CCSER1: variants seen among roughly 807,000 people sequenced by gnomAD.
CCSER1 encodes coiled-coil serine rich protein 1, also known as serine-rich coiled-coil domain-containing protein 1.
In CCSER1, 41 loss-of-function variants were observed where a neutral mutation model predicts 82.0. The ratio of observed to expected loss-of-function variants is 0.50; its 90% confidence interval spans 0.39 to 0.65. The LOEUF (loss-of-function observed/expected upper bound fraction) is 0.65, where lower values mean the gene tolerates loss of function less well. CCSER1 is among the 30% of genes least tolerant of loss of function. The probability of loss-of-function intolerance (pLI) is 0.00; values close to 1 mark genes in which losing one functional copy is unlikely to be tolerated. For synonymous variants in CCSER1, 414 were observed against 383.9 expected, an observed-to-expected ratio of 1.08 and a Z score of -0.92; for missense variants, 1,119 against 1,064.2, an observed-to-expected ratio of 1.05 and a Z score of -0.72.
intron 1 of CCSER1, among the ~76,000 whole-genome samples, chr4:90,145,544 C>T (rs887553236): frequency 6.6e-6 from 1 of 152,046 alleles, no homozygotes; most frequent in Non-Finnish European, 1.5e-5. Context: ...TCTATTGTGT[C>T]AAGCGTGATT....
At chr4:90,917,064 G>A (rs920330634) in intron 8 of CCSER1, among the ~76,000 whole-genome samples, 3 of 152,192 alleles carry the variant, frequency 2.0e-5, no homozygotes, top group African/African-American at 7.2e-5. Context: ...TACACTGTTG[G>A]TGGGACTGTA....
At chr4:91,556,339 CT>C (rs143649369) in intron 10 of CCSER1, among the ~76,000 whole-genome samples, 1 of 150,576 alleles carries the variant, frequency 6.6e-6, no homozygotes, top group Non-Finnish European at 1.5e-5. Flanking sequence ...CTCTAACCTT[CT>C]TTTTTTTAAA....
chr4:90,884,326 A>G (rs1326698980), intron 8 of CCSER1, among the ~76,000 whole-genome samples: 3 of 152,210 alleles, frequency 2.0e-5, no homozygotes, highest in Non-Finnish European at 4.4e-5. Context: ...AATGTGTAAA[A>G]GTAGCCCCAT....
At chr4:90,479,678 C>T (rs1400164613) in intron 5 of CCSER1, among the ~76,000 whole-genome samples, 1 of 152,168 alleles carries the variant, frequency 6.6e-6, no homozygotes, top group Non-Finnish European at 1.5e-5. Flanking sequence ...CTGCCAGCTT[C>T]ATCCATGTCC....
chr4:91,316,436 T>G (rs1392326169), intron 10 of CCSER1, among the ~76,000 whole-genome samples: 1 of 152,032 alleles, frequency 6.6e-6, no homozygotes, highest in Non-Finnish European at 1.5e-5. Flanking sequence ...AAGCAAGAAC[T>G]GTGTTTGAAA....
chr4:90,178,814 C>A (rs1315781262), intron 1 of CCSER1, among the ~76,000 whole-genome samples: 1 of 152,108 alleles, frequency 6.6e-6, no homozygotes. Flanking sequence ...AAATTATGGA[C>A]ATATAAAGCA....
intron 10 of CCSER1, among the ~76,000 whole-genome samples, chr4:91,101,199 A>T (rs1195683397): frequency 1.3e-5 from 2 of 152,230 alleles, no homozygotes; most frequent in Admixed American, 1.3e-4. Context: ...CAACAAGATT[A>T]AGCAGTAATT....
chr4:90,872,653 C>A (rs1446340429), intron 8 of CCSER1, among the ~76,000 whole-genome samples: 1 of 151,874 alleles, frequency 6.6e-6, no homozygotes, highest in Non-Finnish European at 1.5e-5. Flanking sequence ...GTATACATCC[C>A]AGAATTACAG....
intron 10 of CCSER1, among the ~76,000 whole-genome samples, chr4:91,189,881 T>A (rs1172576989): frequency 4.6e-5 from 7 of 152,190 alleles, no homozygotes; most frequent in Non-Finnish European, 1.0e-4. Flanking sequence ...TTTATAAATT[T>A]AAATTATTTT....
intron 1 of CCSER1, among the ~76,000 whole-genome samples, chr4:90,299,378 T>C (rs939767300): frequency 8.5e-5 from 13 of 152,174 alleles, no homozygotes; most frequent in African/African-American, 3.1e-4. Context: ...GTTTTGGTTA[T>C]TATGTTTATT....
At chr4:91,307,410 GT>G (rs1299790237) in intron 10 of CCSER1, among the ~76,000 whole-genome samples, 3 of 151,488 alleles carry the variant, frequency 2.0e-5, no homozygotes, top group East Asian at 3.9e-4. Flanking sequence ...CATTATTTGA[GT>G]TTTTTAGCCC....
At chr4:90,722,409 C>T (rs540755440) in intron 6 of CCSER1, among the ~76,000 whole-genome samples, 8 of 151,848 alleles carry the variant, frequency 5.3e-5, no homozygotes, top group South Asian at 4.1e-4. Context: ...TCATGTCTTA[C>T]GTTAACATCC....
chr4:90,630,956 C>T (rs181832797), intron 6 of CCSER1, among the ~76,000 whole-genome samples: 24 of 151,056 alleles, frequency 1.6e-4, no homozygotes, highest in East Asian at 1.6e-3. Context: ...TGCAGTGGCG[C>T]GATCTCAGCT....
intron 8 of CCSER1, among the ~76,000 whole-genome samples, chr4:90,894,482 C>A (rs1442858937): frequency 6.6e-6 from 1 of 151,934 alleles, no homozygotes. Context: ...AATTTCAGTT[C>A]TTTTTGTTGA....
intron 10 of CCSER1, among the ~76,000 whole-genome samples, chr4:91,162,983 G>A (rs542255983): frequency 1.3e-5 from 2 of 152,152 alleles, no homozygotes; most frequent in East Asian, 1.9e-4. Context: ...GCTTTTGAAT[G>A]TGTTTGCTCT....
chr4:90,394,143 C>CT (rs969929891), intron 3 of CCSER1, among the ~76,000 whole-genome samples: 47 of 134,736 alleles, frequency 3.5e-4, no homozygotes, highest in African/African-American at 1.3e-3. Flanking sequence ...TTCATTATTT[C>CT]TGCCATTAGG....
At chr4:90,181,863 C>T (rs556944022) in intron 1 of CCSER1, among the ~76,000 whole-genome samples, 4 of 152,210 alleles carry the variant, frequency 2.6e-5, no homozygotes, top group East Asian at 3.9e-4. Flanking sequence ...TTGCCCAGTC[C>T]TCTGAGAGTG....
intron 1 of CCSER1, among the ~76,000 whole-genome samples, chr4:90,156,044 AT>A (rs1419941364): frequency 6.6e-6 from 1 of 152,050 alleles, no homozygotes; most frequent in Non-Finnish European, 1.5e-5. Flanking sequence ...ACTGCTTTGA[AT>A]GTGTCCCAGA....
rs200383189 is a variant in CCSER1 at position 90,233,280 on chromosome 4, A to G, written c.-41-74964A>G. Among the ~76,000 whole-genome samples the G allele has an allele frequency of 9.9e-4, 151 of 152,248 alleles. 3 individuals are homozygous for G. In the East Asian group the frequency reaches 0.027, roughly 27 times the overall value. On this transcript the variant is annotated intron_variant, in intron 1 of 10. Transcript: ENST00000509176. ...AAATGTGGCACATATACACCATGGA[A>G]TACTATGCAGCCATAAAAAATGATG...
Sources: allele counts gnomAD v4.1 joint callset (sites outside exome capture counted in the v4.1 genomes callset), GRCh38; gene constraint gnomAD v4.1.1; transcripts MANE v1.5; gene names NCBI Gene and HGNC (gene_info 2026-07-23, HGNC 2026-07-21).